SCN7A: variants seen among roughly 807,000 people sequenced by gnomAD.
SCN7A encodes the protein sodium voltage-gated channel alpha subunit 7.
In SCN7A, 138 loss-of-function variants were observed where a neutral mutation model predicts 155.2. The observed-to-expected ratio is 0.89, with a 90% CI of 0.77 to 1.02. SCN7A has a LOEUF of 1.02. Among genes scored for constraint, SCN7A ranks in the 50% least tolerant of loss-of-function variants. SCN7A has a pLI of 0.00. For missense variants in SCN7A, 2,058 were observed against 1,986.6 expected (o/e 1.04, Z -0.68); for synonymous variants, 693 against 649.0 (o/e 1.07, Z -1.03).
chr2:166,486,326 T>C (rs1225927522), intron 2 of SCN7A, among the ~76,000 whole-genome samples: 1 of 152,150 alleles, frequency 6.6e-6, no homozygotes. Flanking sequence ...ACCAGTGTCA[T>C]ATAAGGTCAC....
intron 20 of SCN7A, among the ~76,000 whole-genome samples, chr2:166,417,970 T>C (rs890403491): frequency 6.6e-6 from 1 of 151,706 alleles, no homozygotes; most frequent in Non-Finnish European, 1.5e-5. Context: ...CTCAACTGAC[T>C]TCACTCTTTA....
rs146867701 is a variant in SCN7A, at chr2:166,464,417, T to C, written c.941+1045A>G. On this transcript the variant is annotated intron_variant, in intron 9 of 25. Transcript: ENST00000643258. ...ACAGGAGGGAATTACATGAGTCACA[T>C]TGCTGAGAAGTGCCCTGTTTCCCCT... Among the ~76,000 whole-genome samples the C allele has an allele frequency of 1.2e-4, 18 of 152,194 alleles. No homozygotes were observed. The East Asian group carries it at 2.7e-3, about 23-fold the overall frequency.
intron 15 of SCN7A, among the ~76,000 whole-genome samples, chr2:166,436,766 G>C (rs1701847823): frequency 6.6e-6 from 1 of 152,304 alleles, no homozygotes; most frequent in Non-Finnish European, 1.5e-5. Flanking sequence ...ATGGATATGA[G>C]GAACTTGTTG....
Position 166,421,182 on chromosome 2 carries a change from T to C in SCN7A, c.3135+8A>G. ...ATTTGTAGATTAGCTTAGAAACTTATCTCTTACCTTCATTCTTTCAAATTG... is the reference window on the plus strand; with the variant it reads ...ATTTGTAGATTAGCTTAGAAACTTACCTCTTACCTTCATTCTTTCAAATTG... On this transcript the variant is annotated splice_region_variant and intron_variant, in intron 20 of 25. Transcript: ENST00000643258. The C allele has an allele frequency of 2.7e-6, 4 of 1,481,748 alleles. No individual in the cohort carries two copies. The highest frequency in any genetic ancestry group is 2.7e-6 in the Non-Finnish European group (3 of 1,109,172). 91.8% of individuals were successfully genotyped at this position (1,481,748 alleles called of 1,614,324 possible).
intron 21 of SCN7A, among the ~76,000 whole-genome samples, chr2:166,413,981 G>GTATATATATATATATA (rs556351441): frequency 0.058 from 3,086 of 53,208 alleles, 316 homozygotes; most frequent in Admixed American, 0.075. Flanking sequence ...ATGTGTATGT[G>GTATATATATATATATA]TATATATATA....
Position 166,474,256 on chromosome 2 carries a change from C to T in SCN7A, c.323G>A (p.Arg108Lys). The T allele has an allele frequency of 6.6e-7, 1 of 1,517,188 alleles. No homozygotes were observed. The highest frequency in any genetic ancestry group is 2.5e-5 in the East Asian group (1 of 39,918). 94.0% of individuals were successfully genotyped at this position (1,517,188 alleles called of 1,614,324 possible). ...LCTLSPFNCI[R>K]RTTIKVLVHP... ...TACCAAAACCTTGATAGTTGTTCTT[C>T]TAATACAATTGAAAGGAGACAATGT... The change falls in exon 4 of 26, where the codon AGA becomes AAA. Residue 108 changes from arginine to lysine, a missense_variant. Physicochemically the swap from Arg to Lys is conservative, Grantham distance 26. Coordinates refer to ENST00000643258, the MANE Select transcript of SCN7A (RefSeq NM_002976.4).
In SCN7A at chr2:166,406,363, G is replaced by C. The variant is rs371528439; in HGVS notation, c.4266C>G (p.Asn1422Lys). Residue 1422 changes from asparagine (N) to lysine (K), a missense_variant, in exon 26 of 26, where the codon AAC becomes AAG. Asn to Lys is a moderately conservative substitution (Grantham distance 94). Transcript: ENST00000643258. Reference protein sequence around the residue: ...NDVSNFETFGNSMLCLFQVAI... With the variant: ...NDVSNFETFGKSMLCLFQVAI... ...CAACTTGAAAAAGACAGAGCATACT[G>C]TTGCCAAAGGTTTCAAAATTAGACA... The C allele has an allele frequency of 4.9e-5, 79 of 1,613,034 alleles. No homozygotes were observed. The highest frequency in any genetic ancestry group is 5.9e-6 in the Non-Finnish European group (7 of 1,179,410).
chr2:166,477,486 G>T lies in SCN7A; in HGVS notation c.211C>A (p.Pro71Thr). 6.5e-7 allele frequency: 1 copy of T among 1,538,188 alleles called. No individual in the cohort carries two copies. The highest frequency in any genetic ancestry group is 8.8e-7 in the Non-Finnish European group (1 of 1,140,830). Residue 71 changes from proline to threonine, a missense_variant, in exon 3 of 26, where the codon CCA becomes ACA. Coordinates refer to ENST00000643258, the MANE Select transcript of SCN7A (RefSeq NM_002976.4). Reference sequence around the variant, plus strand: ...ACATTTTTTTTCTTGTAGTAATATGGGTCCACATCTTCCAAGGGCTCTGAC... The same window carrying T: ...ACATTTTTTTTCTTGTAGTAATATGTGTCCACATCTTCCAAGGGCTCTGAC... The part of the protein sequence containing the change: ...MVSEPLEDVD[P>T]YYYKKKNTFI...
chr2:166,475,122 A>ATATATATATATATATATATATATACG (rs1702765527), intron 3 of SCN7A, among the ~76,000 whole-genome samples: 2 of 93,830 alleles, frequency 2.1e-5, no homozygotes, highest in East Asian at 2.8e-4. Context: ...ATATATATAC[A>ATATATATATATATATATATATATACG]TATATATATA....
intron 10 of SCN7A, among the ~76,000 whole-genome samples, chr2:166,459,216 G>A (rs887234824): frequency 6.6e-6 from 1 of 152,108 alleles, no homozygotes. Context: ...CCTGAATTCA[G>A]AACTTTTGCT....
chr2:166,448,331 T>C (rs1048240768), intron 11 of SCN7A, among the ~76,000 whole-genome samples: 1 of 152,206 alleles, frequency 6.6e-6, no homozygotes, highest in South Asian at 2.1e-4. Flanking sequence ...GTGTATATAC[T>C]ATATTTTATT....
intron 10 of SCN7A, among the ~76,000 whole-genome samples, chr2:166,458,236 G>A (rs949487254): frequency 6.6e-6 from 1 of 151,784 alleles, no homozygotes; most frequent in African/African-American, 2.4e-5. Context: ...GCTGAGGTGG[G>A]AGGATCACCT....
At chr2:166,434,947 T>G (rs1473472037) in intron 15 of SCN7A, among the ~76,000 whole-genome samples, 2 of 152,094 alleles carry the variant, frequency 1.3e-5, no homozygotes, top group Non-Finnish European at 2.9e-5. Context: ...ATAGATTTTG[T>G]GCTAGGATTT....
At position 166,421,289 on chromosome 2, in the gene SCN7A, A is replaced by G. The variant is rs576170843; in HGVS notation, c.3036T>C (p.Cys1012=). The stretch of plus-strand genomic sequence containing the variant: ...CCCGAGTTTTGCCTATTAAGCTAAG[A>G]CAAAACACCTATATATTTTTTTTAA... ...RLDFVVVIVF[C]LSLIGKTREE... The change falls in exon 20 of 26, where the codon TGT becomes TGC. Residue 1012 remains cysteine, a synonymous_variant. Transcript: ENST00000643258. The G allele has an allele frequency of 8.0e-6, 12 of 1,497,350 alleles. No homozygotes were observed. In the South Asian group the frequency reaches 1.4e-4, roughly 17 times the overall value. The allele number at this position is 1,497,350 out of a possible 1,614,324, so 92.8% of individuals were successfully genotyped here. A position where few individuals can be genotyped will look rare whatever the true frequency, so the allele number is the denominator to read the frequency against.
At chr2:166,490,723 CT>C (rs1201765636) in intron 1 of SCN7A, among the ~76,000 whole-genome samples, 1 of 152,144 alleles carries the variant, frequency 6.6e-6, no homozygotes. Context: ...ACCCTGGAGG[CT>C]TCTTAGAACT....
intron 17 of SCN7A, among the ~76,000 whole-genome samples, chr2:166,428,895 A>G (rs918287980): frequency 1.3e-5 from 2 of 152,052 alleles, no homozygotes; most frequent in Non-Finnish European, 2.9e-5. Flanking sequence ...GTATACACAT[A>G]CACATGCACA....
At chr2:166,441,800 C>T in intron 14 of SCN7A, 48 bp from the exon 15 acceptor site, 2 of 1,456,416 alleles carry the variant, frequency 1.4e-6, no homozygotes, top group African/African-American at 2.8e-5. Context: ...TGACAAAAAA[C>T]TTGGTCAGTG....
chr2:166,451,183 T>C (rs758271781), intron 11 of SCN7A, among the ~76,000 whole-genome samples: 5 of 152,200 alleles, frequency 3.3e-5, no homozygotes, highest in Non-Finnish European at 7.4e-5. Context: ...GGTAATAATA[T>C]TGTCGTTGAT....
intron 15 of SCN7A, chr2:166,436,494 G>A: frequency 2.8e-6 from 1 of 352,590 alleles, no homozygotes; most frequent in Non-Finnish European, 5.7e-6. Context: ...ATCCAGCCTT[G>A]GTTACACCCT....
Sources: allele counts gnomAD v4.1 joint callset (sites outside exome capture counted in the v4.1 genomes callset), GRCh38; gene constraint gnomAD v4.1.1; transcripts MANE v1.5; gene names NCBI Gene and HGNC (gene_info 2026-07-23, HGNC 2026-07-21).